Variants in OPCML observed in about 807,000 individuals in gnomAD.
The protein encoded by OPCML is opioid binding protein/cell adhesion molecule like.
Under a neutral mutation model 37.8 loss-of-function variants are expected in OPCML, and 13 were observed. The ratio of observed to expected loss-of-function variants is 0.34; its 90% CI spans 0.22 to 0.55. OPCML has a LOEUF of 0.55. Among genes scored for constraint, OPCML ranks in the 20% least tolerant of loss-of-function variants. The pLI is 0.91. For synonymous variants in OPCML, 176 were observed against 168.8 expected, an observed-to-expected ratio of 1.04 and a Z score of -0.33; for missense variants, 341 against 435.6, an observed-to-expected ratio of 0.78 and a Z score of 1.93.
Position 133,005,146 on chromosome 11 carries a change from C to T in OPCML, c.62-62136G>A, listed in dbSNP as rs564770751. On this transcript the variant is annotated intron_variant, in intron 1 of 7. Coordinates refer to ENST00000524381, the MANE Select transcript of OPCML (RefSeq NM_001012393.5). ...ACTTAGAATGAAATCCCTGCCTGCT[C>T]CTGCACCACTGACCCTCCACCCAAT... The T allele has an allele frequency of 4.0e-5, 39 of 985,378 alleles. No homozygotes were observed. In the African/African-American group the frequency reaches 4.2e-4, roughly 11 times the overall value. 61.0% of individuals were successfully genotyped at this position (985,378 alleles called of 1,614,324 possible).
chr11:133,519,078 G>A (rs761387706), intron 1 of OPCML, among the ~76,000 whole-genome samples: 2 of 152,092 alleles, frequency 1.3e-5, no homozygotes, highest in African/African-American at 4.8e-5. Flanking sequence ...GTGAGCTCCC[G>A]TTGCGGGGTG....
At chr11:132,745,165 G>A (rs1216949732) in intron 2 of OPCML, among the ~76,000 whole-genome samples, 1 of 152,164 alleles carries the variant, frequency 6.6e-6, no homozygotes, top group Non-Finnish European at 1.5e-5. Flanking sequence ...CCAGGGAGAG[G>A]AAGCTAGAGA....
intron 1 of OPCML, among the ~76,000 whole-genome samples, chr11:133,139,320 C>T (rs1290784575): frequency 6.6e-6 from 1 of 152,058 alleles, no homozygotes; most frequent in Admixed American, 6.5e-5. Context: ...GCACCAGAAA[C>T]CATTCTAAGT....
intron 1 of OPCML, chr11:133,423,513 G>C: frequency 1.0e-6 from 1 of 984,192 alleles, no homozygotes; most frequent in Non-Finnish European, 1.2e-6. Context: ...TCCCAAACTG[G>C]AGAAAAGAAG....
chr11:132,739,842 A>T (rs1013260950), intron 2 of OPCML, among the ~76,000 whole-genome samples: 5 of 152,304 alleles, frequency 3.3e-5, no homozygotes, highest in South Asian at 2.1e-4. Flanking sequence ...AGTCAAAATC[A>T]ATGCCTCTCT....
chr11:132,831,628 T>C (rs754587615), intron 2 of OPCML, among the ~76,000 whole-genome samples: 2 of 152,066 alleles, frequency 1.3e-5, no homozygotes, highest in Non-Finnish European at 2.9e-5. Context: ...TAACTGGTAA[T>C]AGGGCCAGGA....
chr11:132,957,030 C>T (rs75736895), intron 1 of OPCML, among the ~76,000 whole-genome samples: 12,953 of 152,224 alleles, frequency 0.085, 716 homozygotes, highest in South Asian at 0.23. Context: ...ACTTAACAGG[C>T]TGAGGTGGGA....
intron 1 of OPCML, among the ~76,000 whole-genome samples, chr11:133,469,467 A>C (rs1947055738): frequency 6.6e-6 from 1 of 152,150 alleles, no homozygotes; most frequent in Non-Finnish European, 1.5e-5. Flanking sequence ...ACATGATGAC[A>C]TGTTGCTGTC....
intron 1 of OPCML, among the ~76,000 whole-genome samples, chr11:133,061,509 A>G (rs1478930358): frequency 1.3e-5 from 2 of 152,196 alleles, no homozygotes; most frequent in African/African-American, 2.4e-5. Context: ...ATAATAAACT[A>G]TCACCTTGAA....
In OPCML at chr11:133,211,537, A is replaced by T. The variant is rs1939358376; in HGVS notation, c.62-268527T>A. Among the ~76,000 whole-genome samples the T allele has an allele frequency of 6.6e-6, 1 of 152,144 alleles. No homozygotes were observed. Reference sequence around the variant, plus strand: ...ATAAGTCAGAGGAGGGGCTTTGAAAACTTGAACACTTCCGAAGGTTCTGTA... The same window carrying T: ...ATAAGTCAGAGGAGGGGCTTTGAAATCTTGAACACTTCCGAAGGTTCTGTA... On this transcript the variant is annotated intron_variant, in intron 1 of 7. Transcript: ENST00000524381. This position sits in a 1 kb window ranked among gnomAD's most constrained non-coding sequence, Gnocchi z 4.1.
intron 1 of OPCML, among the ~76,000 whole-genome samples, chr11:133,101,205 G>C (rs529647844): frequency 3.2e-4 from 49 of 152,158 alleles, no homozygotes; most frequent in Non-Finnish European, 4.6e-4. Flanking sequence ...TGACAAGTGT[G>C]AGCCACCACG....
rs116882324 is a variant in OPCML, at chr11:133,404,781, C to T, written c.61+127483G>A. The stretch of plus-strand genomic sequence containing the variant: ...ATATTGCCAGATACCAGAGGCAGTA[C>T]TAATTTTTGAAGATACACAATTTAA... On this transcript the variant is annotated intron_variant, in intron 1 of 7. Coordinates refer to ENST00000524381, the MANE Select transcript of OPCML (RefSeq NM_001012393.5). Among the ~76,000 whole-genome samples, 804 of 152,272 alleles carry T rather than the reference C, an allele frequency of 5.3e-3. 9 individuals are homozygous for T. The highest frequency in any genetic ancestry group is 0.037 in the Middle Eastern group (11 of 294).
At chr11:133,026,679 G>A (rs891633123) in intron 1 of OPCML, 2 of 690,552 alleles carry the variant, frequency 2.9e-6, no homozygotes, top group African/African-American at 2.0e-5. Flanking sequence ...CAGCTCTTAC[G>A]ATAAGGAACC....
intron 4 of OPCML, among the ~76,000 whole-genome samples, chr11:132,515,678 C>T (rs1214026898): frequency 6.6e-6 from 1 of 152,204 alleles, no homozygotes; most frequent in African/African-American, 2.4e-5. Flanking sequence ...TTTTCTTCCC[C>T]TTTTCCTCCT....
At chr11:133,304,347 A>G (rs942466739) in intron 1 of OPCML, among the ~76,000 whole-genome samples, 2 of 152,336 alleles carry the variant, frequency 1.3e-5, no homozygotes, top group East Asian at 1.9e-4. Context: ...CCTTCTTAAA[A>G]TACAAAAGAC....
chr11:133,306,658 T>A (rs1942927126), intron 1 of OPCML, among the ~76,000 whole-genome samples: 1 of 152,148 alleles, frequency 6.6e-6, no homozygotes, highest in Non-Finnish European at 1.5e-5. Context: ...TGAAAACAGC[T>A]CTCAAGGGGG....
At chr11:132,666,480 T>C (rs1049147584) in intron 2 of OPCML, among the ~76,000 whole-genome samples, 1 of 152,114 alleles carries the variant, frequency 6.6e-6, no homozygotes, top group African/African-American at 2.4e-5. Context: ...ACTCCAATCT[T>C]GGGGCTCACA....
At chr11:132,699,726 A>G (rs963094967) in intron 2 of OPCML, among the ~76,000 whole-genome samples, 3 of 152,204 alleles carry the variant, frequency 2.0e-5, no homozygotes, top group Middle Eastern at 3.4e-3. Flanking sequence ...GACTCTTTTA[A>G]TGTGCTATAA....
intron 4 of OPCML, among the ~76,000 whole-genome samples, chr11:132,496,037 A>G (rs1213485686): frequency 3.9e-5 from 6 of 152,180 alleles, no homozygotes; most frequent in Non-Finnish European, 7.3e-5. Context: ...AAATCAGCCC[A>G]TGTCCCTGAG....
Sources: allele counts gnomAD v4.1 joint callset (sites outside exome capture counted in the v4.1 genomes callset), GRCh38; gene constraint gnomAD v4.1.1; non-coding constraint Gnocchi (gnomAD v3.1); transcripts MANE v1.5; gene names NCBI Gene and HGNC (gene_info 2026-07-23, HGNC 2026-07-21).